Variants in ZCCHC14 observed in about 807,000 individuals in gnomAD.
ZCCHC14 encodes the protein zinc finger CCHC domain-containing protein 14.
A neutral mutation model predicts 85.0 loss-of-function variants in ZCCHC14; 16 were observed. The ratio of observed to expected loss-of-function variants is 0.19; its 90% CI spans 0.13 to 0.29. The LOEUF is 0.29. ZCCHC14 is among the 10% of genes least tolerant of loss of function. The probability of loss-of-function intolerance (pLI) is 1.00; values close to 1 mark genes in which losing one functional copy is unlikely to be tolerated. For synonymous variants in ZCCHC14, 775 were observed against 630.7 expected, an observed-to-expected ratio of 1.23 and a Z score of -3.43; for missense variants, 1,303 against 1,443.5, an observed-to-expected ratio of 0.90 and a Z score of 1.58.
intron 3 of ZCCHC14, among the ~76,000 whole-genome samples, chr16:87,427,814 TTTTTGCAC>T (rs551347537): frequency 1.0e-4 from 2 of 19,600 alleles, no homozygotes; most frequent in Non-Finnish European, 3.2e-4. Flanking sequence ...CTTTTTGTAC[TTTTTGCAC>T]TTTTTGCAGT....
At chr16:87,459,583 T>A (rs1911154176) in intron 2 of ZCCHC14, among the ~76,000 whole-genome samples, 1 of 150,022 alleles carries the variant, frequency 6.7e-6, no homozygotes, top group South Asian at 2.2e-4. Context: ...GATCTTGGCT[T>A]ACCACGACCT....
intron 1 of ZCCHC14, among the ~76,000 whole-genome samples, chr16:87,469,891 A>AGG (rs1911702342): frequency 6.6e-6 from 1 of 152,168 alleles, no homozygotes; most frequent in South Asian, 2.1e-4. Context: ...ACTGGGGGCC[A>AGG]GGGCCTATCT....
At chr16:87,437,733 T>C (rs1251055824) in intron 2 of ZCCHC14, among the ~76,000 whole-genome samples, 2 of 152,384 alleles carry the variant, frequency 1.3e-5, no homozygotes, top group South Asian at 2.1e-4. Flanking sequence ...GGCATTTTCC[T>C]CAAGTCTTAC....
intron 6 of ZCCHC14, 93 bp downstream of exon 6, chr16:87,419,690 C>T: frequency 9.1e-7 from 1 of 1,099,690 alleles, no homozygotes. Flanking sequence ...CCCGCCTCAG[C>T]CTCCCAAAGT....
intron 2 of ZCCHC14, among the ~76,000 whole-genome samples, chr16:87,438,690 C>A (rs1910046592): frequency 6.6e-6 from 1 of 152,218 alleles, no homozygotes; most frequent in Admixed American, 6.5e-5. Flanking sequence ...ATAAAGGGCC[C>A]TGCTGGGGCA....
intron 2 of ZCCHC14, among the ~76,000 whole-genome samples, chr16:87,449,137 G>A (rs940154258): frequency 6.6e-6 from 1 of 152,194 alleles, no homozygotes; most frequent in South Asian, 2.1e-4. Context: ...CCACACATCC[G>A]TGAGGAAGGC....
chr16:87,465,260 G>C (rs934654657), intron 1 of ZCCHC14, among the ~76,000 whole-genome samples: 3 of 152,216 alleles, frequency 2.0e-5, no homozygotes. Context: ...TTTGCACTTC[G>C]AACTGGGCCT....
At chr16:87,467,803 C>G in intron 1 of ZCCHC14, 1 of 461,698 alleles carries the variant, frequency 2.2e-6, no homozygotes. Flanking sequence ...AGGCGCGCAC[C>G]ACCACGCCCG....
In ZCCHC14 at chr16:87,408,608, GTTAA is replaced by G; in HGVS notation, c.*1668_*1671del. Reference sequence around the variant, plus strand: ...TGTGTACCATGAGGAGAAGAGGTCTGTTAATTCTGCATTGCATAGAAATAAAATT... The same window carrying G: ...TGTGTACCATGAGGAGAAGAGGTCTGTTCTGCATTGCATAGAAATAAAATT... On this transcript the variant is annotated 3_prime_UTR_variant, in exon 13 of 13. Transcript: ENST00000671377. 6.5e-6 allele frequency: 1 copy of G among 152,714 alleles called. No homozygotes were observed. The highest frequency in any genetic ancestry group is 2.1e-4 in the South Asian group (1 of 4,832). The allele number at this position is 152,714 out of a possible 1,614,324, so 9.5% of individuals were successfully genotyped here. A position where few individuals can be genotyped will look rare whatever the true frequency, so the allele number is the denominator to read the frequency against.
intron 3 of ZCCHC14, among the ~76,000 whole-genome samples, chr16:87,431,540 T>C (rs1450466587): frequency 1.3e-5 from 2 of 151,302 alleles, no homozygotes; most frequent in East Asian, 3.9e-4. Context: ...TCAGGTTGTA[T>C]GAAGTTCTCA....
rs1299213763 is a variant in ZCCHC14, at chr16:87,467,284, G to C, written c.571-7153C>G. ...CCAAAATTAAGGATAATGGAGATCT[G>C]GTTTTTATCAAGCCTCAATAATGTA... On this transcript the variant is annotated intron_variant, in intron 1 of 12. Coordinates refer to ENST00000671377, the MANE Select transcript of ZCCHC14 (RefSeq NM_015144.3). 10 of 1,577,718 alleles carry C rather than the reference G, an allele frequency of 6.3e-6. No individual in the cohort carries two copies. The East Asian group carries it at 2.2e-4, about 35-fold the overall frequency.
chr16:87,438,332 T>C (rs1326503716), intron 2 of ZCCHC14, among the ~76,000 whole-genome samples: 3 of 152,244 alleles, frequency 2.0e-5, no homozygotes, highest in Admixed American at 6.5e-5. Context: ...TGTACAAGAA[T>C]GATATTATGA....
intron 2 of ZCCHC14, among the ~76,000 whole-genome samples, chr16:87,458,387 G>C (rs1911080977): frequency 6.6e-6 from 1 of 152,216 alleles, no homozygotes; most frequent in Admixed American, 6.5e-5. Flanking sequence ...GTGCGGTGAA[G>C]ACGCTCAACC....
Position 87,414,611 on chromosome 16 carries a change from A to C in ZCCHC14, c.1476-70T>G, listed in dbSNP as rs866427243. ...GTGCTGCCTCACATGCGGCTTCAAG[A>C]CGGGTCTACTCCACACCACAGGGCG... is the stretch of plus-strand genomic sequence containing the variant. On this transcript the variant is annotated intron_variant, in intron 9 of 12. Transcript: ENST00000671377. The C allele has an allele frequency of 3.9e-6, 6 of 1,533,416 alleles. No individual in the cohort carries two copies. In the South Asian group the frequency reaches 6.3e-5, roughly 16 times the overall value. The allele number at this position is 1,533,416 out of a possible 1,614,324, so 95.0% of individuals were successfully genotyped here. A position where few individuals can be genotyped will look rare whatever the true frequency, so the allele number is the denominator to read the frequency against.
intron 1 of ZCCHC14, among the ~76,000 whole-genome samples, chr16:87,487,200 C>T (rs1912548392): frequency 6.6e-6 from 1 of 152,214 alleles, no homozygotes; most frequent in South Asian, 2.1e-4. Context: ...ATGCAAGCCA[C>T]AGAGAGTTCC....
intron 1 of ZCCHC14, chr16:87,470,639 G>C (rs1292474783): frequency 3.3e-5 from 5 of 152,140 alleles, no homozygotes; most frequent in Non-Finnish European, 7.3e-5. Flanking sequence ...ATCTCAGCTT[G>C]AGCAAAAAGA....
At chr16:87,485,058 T>C (rs1176910796) in intron 1 of ZCCHC14, among the ~76,000 whole-genome samples, 2 of 152,174 alleles carry the variant, frequency 1.3e-5, no homozygotes, top group African/African-American at 2.4e-5. Flanking sequence ...GATTTTTCTG[T>C]GAGCCTGCAA....
intron 2 of ZCCHC14, among the ~76,000 whole-genome samples, chr16:87,448,099 A>G (rs916507177): frequency 2.6e-5 from 4 of 152,208 alleles, no homozygotes; most frequent in African/African-American, 9.6e-5. Context: ...CCATTCTTCC[A>G]TAGGAAGATA....
In ZCCHC14 at chr16:87,413,098, C is replaced by A. The variant is rs560387083; in HGVS notation, c.1701G>T (p.Gln567His). 25 of 1,614,106 alleles carry A rather than the reference C, an allele frequency of 1.5e-5. No individual in the cohort carries two copies. In the Middle Eastern group the frequency reaches 5.0e-4, roughly 32 times the overall value. Residue 567 changes from glutamine (Q) to histidine (H), a missense_variant, in exon 11 of 13, where the codon CAG becomes CAT. Around this residue, in one of 7 missense-constraint regions of ZCCHC14, gnomAD observed 797 missense variants for 730.8 expected, o/e 1.09. Coordinates refer to ENST00000671377, the MANE Select transcript of ZCCHC14 (RefSeq NM_015144.3). ...SSSSSSPMGV[Q>H]AREESSDSAE... Reference sequence around the variant, plus strand: ...CGCTGTCGGAGCTCTCTTCCCGGGCCTGTACCCCCATGGGGCTGGAGGAGG... The same window carrying A: ...CGCTGTCGGAGCTCTCTTCCCGGGCATGTACCCCCATGGGGCTGGAGGAGG...
Sources: gnomAD v4.1 joint callset for allele counts (sites outside exome capture counted in the v4.1 genomes callset) on GRCh38, gnomAD v4.1.1 for gene constraint, gnomAD v4.1.1 regional missense constraint, MANE v1.5 for transcripts, NCBI Gene and HGNC (gene_info 2026-07-23, HGNC 2026-07-21) for gene names.